KCNMA1: variants seen among roughly 807,000 people sequenced by gnomAD.
The protein encoded by KCNMA1 is Calcium-activated potassium channel subunit alpha-1.
Under a neutral mutation model 140.0 loss-of-function variants are expected in KCNMA1, and 29 were observed. The observed-to-expected ratio is 0.21, with a 90% CI of 0.15 to 0.28. KCNMA1 has a LOEUF of 0.28. Among genes scored for constraint, KCNMA1 ranks in the 10% least tolerant of loss-of-function variants. KCNMA1 has a pLI of 1.00. For missense variants in KCNMA1, 880 were observed against 1,602.2 expected, an observed-to-expected ratio of 0.55 and a Z score of 7.70; for synonymous variants, 612 against 611.9, an observed-to-expected ratio of 1.00 and a Z score of 0.00.
chr10:77,549,651 C>T (rs1368261073), intron 1 of KCNMA1, among the ~76,000 whole-genome samples: 4 of 152,250 alleles, frequency 2.6e-5, no homozygotes, highest in African/African-American at 7.2e-5. Flanking sequence ...AGTTATCTAG[C>T]TCTGTCAGCC....
chr10:77,499,042 A>G (rs2042891133), intron 1 of KCNMA1: 1 of 152,256 alleles, frequency 6.6e-6, no homozygotes, highest in Non-Finnish European at 1.5e-5. Context: ...TAATGCACAC[A>G]AAGTGCTTAG....
At chr10:77,438,424 G>C (rs143368117) in intron 1 of KCNMA1, among the ~76,000 whole-genome samples, 1 of 151,938 alleles carries the variant, frequency 6.6e-6, no homozygotes, top group African/African-American at 2.4e-5. Context: ...TTAGCCGGGC[G>C]TGGTGGTGCA....
At chr10:77,439,542 C>T (rs538129802) in intron 1 of KCNMA1, among the ~76,000 whole-genome samples, 1 of 152,264 alleles carries the variant, frequency 6.6e-6, no homozygotes, top group African/African-American at 2.4e-5. Context: ...TCTCCCCTGG[C>T]TCAAAGCAGG....
At chr10:77,229,704 A>C (rs963513186) in intron 3 of KCNMA1, among the ~76,000 whole-genome samples, 4 of 152,206 alleles carry the variant, frequency 2.6e-5, no homozygotes, top group African/African-American at 9.6e-5. Flanking sequence ...CTGCCGCTGT[A>C]GGTGGAGCAT....
chr10:77,038,233 C>G (rs913587840), intron 15 of KCNMA1, among the ~76,000 whole-genome samples: 1 of 152,098 alleles, frequency 6.6e-6, no homozygotes, highest in Non-Finnish European at 1.5e-5. Context: ...GAAAGAAAAC[C>G]GTGATACAGA....
intron 1 of KCNMA1, among the ~76,000 whole-genome samples, chr10:77,539,596 A>G (rs1416287802): frequency 1.3e-5 from 2 of 152,094 alleles, no homozygotes; most frequent in Non-Finnish European, 2.9e-5. Context: ...GGCCCCTGCT[A>G]TTTTGGAAGT....
chr10:77,237,255 C>T (rs1012389361), intron 3 of KCNMA1, among the ~76,000 whole-genome samples: 1 of 152,208 alleles, frequency 6.6e-6, no homozygotes, highest in South Asian at 2.1e-4. Flanking sequence ...CCACACACTA[C>T]TATCAGGTAG....
intron 3 of KCNMA1, among the ~76,000 whole-genome samples, chr10:77,219,331 G>A (rs2048812494): frequency 6.6e-6 from 1 of 152,162 alleles, no homozygotes; most frequent in Admixed American, 6.5e-5. Flanking sequence ...TACCAGTGGA[G>A]CTGACAACAA....
chr10:77,421,201 C>G (rs2096859447), intron 1 of KCNMA1, among the ~76,000 whole-genome samples: 1 of 152,190 alleles, frequency 6.6e-6, no homozygotes, highest in Non-Finnish European at 1.5e-5. Context: ...TCTGCATGTC[C>G]TAGGTTTCCT....
chr10:77,443,759 A>C (rs1407985095), intron 1 of KCNMA1, among the ~76,000 whole-genome samples: 1 of 152,262 alleles, frequency 6.6e-6, no homozygotes, highest in African/African-American at 2.4e-5. Flanking sequence ...CAAAGGAGAC[A>C]ATCTTTGGAT....
rs114620047 is a variant in KCNMA1 at position 77,390,760 on chromosome 10, G to A, written c.540+13102C>T. 8.6e-3 allele frequency among the ~76,000 whole-genome samples: 1,308 copies of A among 152,260 alleles called. 15 individuals are homozygous for A. Among genetic ancestry groups the A allele is most frequent in the African/African-American group, 0.03 (1,227 of 41,544 alleles). ...AACCCCACGCCTTCCTGGGCAAGTC[G>A]GGGCTCAGAGACCAACAAACCCAAC... On this transcript the variant is annotated intron_variant, in intron 2 of 27. Transcript: ENST00000286628.
intron 2 of KCNMA1, chr10:77,354,427 G>A (rs907524578): frequency 3.3e-5 from 5 of 152,194 alleles, no homozygotes; most frequent in Non-Finnish European, 7.3e-5. Context: ...CATCTGGGGA[G>A]GCTCCCCTTT....
In KCNMA1 at chr10:77,436,997, C is replaced by CAA. The variant is rs59376789; in HGVS notation, c.379-32975_379-32974insTT. ...ACACACACACACACACACACACACA[C>CAA]TCCTTCAGCCAAAATGTTCCACTTT... On this transcript the variant is annotated intron_variant, in intron 1 of 27. Coordinates refer to ENST00000286628, the MANE Select transcript of KCNMA1 (RefSeq NM_001161352.2). 1.5e-3 allele frequency among the ~76,000 whole-genome samples: 187 copies of CAA among 126,964 alleles called. 1 individual carries two copies. In the East Asian group the frequency reaches 0.018, roughly 12 times the overall value. 83.3% of individuals were successfully genotyped at this position (126,964 alleles called of 152,430 possible).
At chr10:76,988,549 A>C (rs2081916547) in intron 19 of KCNMA1, among the ~76,000 whole-genome samples, 1 of 152,150 alleles carries the variant, frequency 6.6e-6, no homozygotes, top group Non-Finnish European at 1.5e-5. Flanking sequence ...ATAACAACAG[A>C]AAAAGATGAG....
chr10:77,174,587 C>G (rs188979093), intron 5 of KCNMA1, among the ~76,000 whole-genome samples: 6 of 152,330 alleles, frequency 3.9e-5, no homozygotes, highest in African/African-American at 1.2e-4. Context: ...TGGCTAGGAG[C>G]TACCATACTG....
intron 1 of KCNMA1, among the ~76,000 whole-genome samples, chr10:77,436,733 T>C (rs1308600425): frequency 2.6e-5 from 4 of 152,198 alleles, no homozygotes. Flanking sequence ...CATTTTGTTA[T>C]CACCATCTAC....
intron 19 of KCNMA1, among the ~76,000 whole-genome samples, chr10:76,999,969 G>A (rs941631925): frequency 6.6e-6 from 1 of 152,112 alleles, no homozygotes; most frequent in East Asian, 1.9e-4. Flanking sequence ...CCGGTTCCCT[G>A]AGCCCTAGAG....
chr10:77,441,357 C>T (rs575859986), intron 1 of KCNMA1, among the ~76,000 whole-genome samples: 2 of 152,144 alleles, frequency 1.3e-5, no homozygotes, highest in East Asian at 3.9e-4. Flanking sequence ...TAATAAATTC[C>T]CCAAAGTGTT....
At chr10:77,398,060 A>ATGTG (rs71028275) in intron 2 of KCNMA1, among the ~76,000 whole-genome samples, 51,004 of 148,314 alleles carry the variant, frequency 0.34, 8,882 homozygotes, top group African/African-American at 0.39. Flanking sequence ...ATATGTGTGT[A>ATGTG]TGTGTGTGTG....
Sources: allele counts gnomAD v4.1 joint callset (sites outside exome capture counted in the v4.1 genomes callset), GRCh38; gene constraint gnomAD v4.1.1; transcripts MANE v1.5; gene names NCBI Gene and HGNC (gene_info 2026-07-23, HGNC 2026-07-21).